The following EPHA2 variants were observed in gnomAD, a reference collection of about 807,000 sequenced individuals.
The protein encoded by EPHA2 is ephrin type-A receptor 2.
Under a neutral mutation model 104.9 loss-of-function variants are expected in EPHA2, and 54 were observed. The ratio of observed to expected loss-of-function variants is 0.51; its 90% CI spans 0.41 to 0.65. The LOEUF is 0.65. Among genes scored for constraint, EPHA2 ranks in the 30% least tolerant of loss-of-function variants. The pLI, the probability that EPHA2 is intolerant of heterozygous loss-of-function variation, is 0.00. For synonymous variants in EPHA2, 560 were observed against 559.1 expected (o/e 1.00, Z -0.02); for missense variants, 1,117 against 1,369.5 (o/e 0.82, Z 2.91).
intron 1 of EPHA2, among the ~76,000 whole-genome samples, chr1:16,151,336 A>C (rs1435590420): frequency 6.6e-6 from 1 of 152,130 alleles, no homozygotes; most frequent in African/African-American, 2.4e-5. Flanking sequence ...GTATTAAGTG[A>C]CACCACACCG....
rs959141703 is a variant in EPHA2, at chr1:16,138,063, G to T, written c.1102C>A (p.Gln368Lys). 6.2e-7 allele frequency: 1 copy of T among 1,612,722 alleles called. No homozygotes were observed. Among genetic ancestry groups the T allele is most frequent in the Admixed American group, 1.7e-5 (1 of 59,998 alleles). The change falls in exon 5 of 17, where the codon CAG becomes AAG. Residue 368 changes from glutamine to lysine, a missense_variant. Coordinates refer to ENST00000358432, the MANE Select transcript of EPHA2 (RefSeq NM_004431.5). ...EDIVYSVTCE[Q>K]CWPESGECGP... is the part of the protein sequence containing the mutation. The stretch of plus-strand genomic sequence containing the variant: ...CATTCCCCAGACTCGGGCCAGCACT[G>T]TTCGCAGGTGACGCTGTAGACAATG...
In EPHA2 at chr1:16,133,906, G is replaced by C; in HGVS notation, c.1692C>G (p.Asn564Lys). 1 of 1,550,814 alleles carries C rather than the reference G, an allele frequency of 6.4e-7. No homozygotes were observed. The highest frequency in any genetic ancestry group is 1.4e-5 in the African/African-American group (1 of 73,152). The change falls in exon 9 of 17, where the codon AAC (asparagine) becomes AAG (lysine). Residue 564 changes from asparagine to lysine, a missense_variant. Physicochemically the swap from Asn to Lys is moderately conservative, Grantham distance 94. This residue lies in a region of EPHA2 where 113 missense variants were observed against 104.3 expected (regional missense o/e 1.08). Transcript: ENST00000358432. ...CCTCCGGGGACTGGCGGGCACGCTG[G>C]TTCTTCCTCCTGAAAGAGCCCCACG... ...VGFFIHRRRK[N>K]QRARQSPEDV...
chr1:16,155,912 G>T lies in EPHA2; in HGVS notation c.21C>A (p.Arg7=), dbSNP rs1443201679. The T allele has an allele frequency of 1.0e-5, 15 of 1,488,882 alleles. No individual in the cohort carries two copies. The highest frequency in any genetic ancestry group is 1.3e-5 in the Non-Finnish European group (15 of 1,127,050). 92.2% of individuals were successfully genotyped at this position (1,488,882 alleles called of 1,614,324 possible). MELQAA[R]ACFALLWGCA... is the part of the protein sequence containing the mutation. ...AGCCCCACAGCAGGGCGAAGCAGGC[G>T]CGGGCTGCCTGGAGCTCCATGCCGC... Residue 7 remains arginine (R), a synonymous_variant, in exon 1 of 17, where the codon CGC becomes CGA. Transcript: ENST00000358432.
chr1:16,147,772 C>T lies in EPHA2; in HGVS notation c.823+606G>A, dbSNP rs115997775. The stretch of plus-strand genomic sequence containing the variant: ...GAGAGGTCAAGGAAATGGCCTAAAG[C>T]CACACAGCTAAAAATGTAGACCTGG... On this transcript the variant is annotated intron_variant, in intron 3 of 16. Transcript: ENST00000358432. 7.0e-3 allele frequency among the ~76,000 whole-genome samples: 1,062 copies of T among 151,704 alleles called. 12 individuals carry two copies. Among genetic ancestry groups the T allele is most frequent in the African/African-American group, 0.025 (1,021 of 41,272 alleles).
rs770944034 is a variant in EPHA2, at chr1:16,129,416, G to T, written c.2825+18C>A. 1 of 1,611,170 alleles carries T rather than the reference G, an allele frequency of 6.2e-7. No homozygotes were observed. ...GGGAGGCGGGAGGCGAGGGGGGACG[G>T]AAAGGGGCCTGACTTACTCGTTGGT... On this transcript the variant is annotated intron_variant, in intron 16 of 16. Coordinates refer to ENST00000358432, the MANE Select transcript of EPHA2 (RefSeq NM_004431.5).
Position 16,135,509 on chromosome 1 carries a change from C to T in EPHA2, c.1428+146G>A. 1.2e-6 allele frequency: 1 copy of T among 818,572 alleles called. No homozygotes were observed. Among genetic ancestry groups the T allele is most frequent in the Admixed American group, 2.0e-5 (1 of 50,860 alleles). The allele number at this position is 818,572 out of a possible 1,614,324, so 50.7% of individuals were successfully genotyped here. ...TGCTGTGCTGCCTTGGGAGATGTAA[C>T]CCCCTGGCAGACCCCAGGCCTCAGT... is the stretch of plus-strand genomic sequence containing the variant. On this transcript the variant is annotated intron_variant, in intron 6 of 16. Transcript: ENST00000358432. The surrounding 1 kb of genome is among the most constrained non-coding windows in gnomAD (Gnocchi z 4.3).
At chr1:16,133,997 G>C in intron 8 of EPHA2, 82 bp from the exon 9 acceptor site, 2 of 1,415,808 alleles carry the variant, frequency 1.4e-6, no homozygotes, top group Non-Finnish European at 1.9e-6. Flanking sequence ...GCCCTACTTT[G>C]GTCCTAGGAG....
At position 16,134,737 on chromosome 1, in the gene EPHA2, G is replaced by A. The variant is rs1469715867; in HGVS notation, c.1583-170C>T. ...TAGACGGTCAAGCGGAGGCCTTCCC[G>A]AAGGTCTCACGGGAGGTATTGCAGG... On this transcript the variant is annotated intron_variant, in intron 7 of 16. Transcript: ENST00000358432. This position sits in a 1 kb window ranked among gnomAD's most constrained non-coding sequence, Gnocchi z 4.5. Among the ~76,000 whole-genome samples, 3 of 152,162 alleles carry A rather than the reference G, an allele frequency of 2.0e-5. No homozygotes were observed. Among genetic ancestry groups the A allele is most frequent in the South Asian group, 2.1e-4 (1 of 4,818 alleles).
chr1:16,140,242 C>G (rs552877174), intron 3 of EPHA2, among the ~76,000 whole-genome samples: 1 of 152,216 alleles, frequency 6.6e-6, no homozygotes, highest in Admixed American at 6.5e-5. Context: ...GCTCTCACCC[C>G]CTTGGTCCAT....
In EPHA2 at chr1:16,132,374, T is replaced by C. The variant is rs2024587986; in HGVS notation, c.2115+4A>G. ...TCCCCGCCCCCTACAACCCACATCC[T>C]TACCCGAAGGAACTTGTCCAGGGCC... is the stretch of plus-strand genomic sequence containing the variant. On this transcript the variant is annotated splice_donor_region_variant and intron_variant, in intron 12 of 16. Transcript: ENST00000358432. The C allele has an allele frequency of 6.2e-7, 1 of 1,614,130 alleles. No individual in the cohort carries two copies. The highest frequency in any genetic ancestry group is 8.5e-7 in the Non-Finnish European group (1 of 1,180,024).
Position 16,131,664 on chromosome 1 carries a change from T to C in EPHA2, c.2475+57A>G. 3.1e-6 allele frequency: 5 copies of C among 1,608,766 alleles called. No homozygotes were observed. Among genetic ancestry groups the C allele is most frequent in the Non-Finnish European group, 3.4e-6 (4 of 1,176,560 alleles). On this transcript the variant is annotated intron_variant, in intron 14 of 16. Transcript: ENST00000358432. The surrounding 1 kb of genome is among the most constrained non-coding windows in gnomAD (Gnocchi z 5.2). ...TCTGCCCAGCCCCTGCAGTTTGAGA[T>C]GAGTAAAGGGCTTGAGTTCAGGTCC...
At chr1:16,137,813 G>A in intron 5 of EPHA2, 40 bp downstream of exon 5, 1 of 1,610,424 alleles carries the variant, frequency 6.2e-7, no homozygotes, top group South Asian at 1.1e-5. Context: ...CCCCACCTGG[G>A]CAGGCCCCAT....
chr1:16,149,006 G>A lies in EPHA2; in HGVS notation c.195C>T (p.Tyr65=), dbSNP rs376634485. 4 of 1,613,888 alleles carry A rather than the reference G, an allele frequency of 2.5e-6. No homozygotes were observed. The African/African-American group carries it at 5.3e-5, about 22-fold the overall frequency. ...MQNIMNDMPI[Y]MYSVCNVMSG... is the part of the protein sequence containing the mutation. ...ACATCACGTTGCACACGGAGTACAT[G>A]TAGATCGGCATGTCATTCATGATGT... Residue 65 remains tyrosine (Y), a synonymous_variant, in exon 3 of 17, where the codon TAC becomes TAT. Transcript: ENST00000358432.
At chr1:16,144,004 T>C (rs1242176936) in intron 3 of EPHA2, among the ~76,000 whole-genome samples, 2 of 152,084 alleles carry the variant, frequency 1.3e-5, no homozygotes, top group East Asian at 1.9e-4. Flanking sequence ...TGCAGGCACA[T>C]TCCTCCACCA....
Position 16,132,447 on chromosome 1 carries a change from G to C in EPHA2, c.2054-8C>G. On this transcript the variant is annotated splice_region_variant and splice_polypyrimidine_tract_variant and intron_variant, in intron 11 of 16. Transcript: ENST00000358432. The stretch of plus-strand genomic sequence containing the variant: ...TGATCATCATGGGCTTGTCTGTAGG[G>C]GGGTGGGCACAGGTGAGAGGTAAGT... 6.2e-7 allele frequency: 1 copy of C among 1,613,746 alleles called. No individual in the cohort carries two copies. The highest frequency in any genetic ancestry group is 8.5e-7 in the Non-Finnish European group (1 of 1,180,008).
At chr1:16,129,330 G>A in intron 16 of EPHA2, 104 bp downstream of exon 16, 2 of 1,367,538 alleles carry the variant, frequency 1.5e-6, no homozygotes, top group South Asian at 1.2e-5. Flanking sequence ...AAAGAACAAA[G>A]AGAGGAGCAT....
At chr1:16,146,627 G>A (rs759478902) in intron 3 of EPHA2, among the ~76,000 whole-genome samples, 1 of 152,254 alleles carries the variant, frequency 6.6e-6, no homozygotes, top group Non-Finnish European at 1.5e-5. Context: ...TCAGCAGAGG[G>A]GAGCTGGGAA....
rs1035338682 is a variant in EPHA2 at position 16,129,366 on chromosome 1, G to C, written c.2825+68C>G. ...TGAGGGGCAGGGAAGAGGGCTGGGG[G>C]GGGCATGGAGGCAGCCTCTGGAGTG... On this transcript the variant is annotated intron_variant, in intron 16 of 16. Transcript: ENST00000358432. The C allele has an allele frequency of 6.4e-6, 10 of 1,564,976 alleles. No homozygotes were observed. The South Asian group carries it at 1.0e-4, about 16-fold the overall frequency.
rs2024440767 is a variant in EPHA2 at position 16,125,186 on chromosome 1, G to A, written c.*29C>T. ...CACTCTGTTTCTTCAAGTATTCTTG[G>A]CCGATGGGGCTCCAGGCCCTGTCGA... is the stretch of plus-strand genomic sequence containing the variant. On this transcript the variant is annotated 3_prime_UTR_variant, in exon 17 of 17. Coordinates refer to ENST00000358432, the MANE Select transcript of EPHA2 (RefSeq NM_004431.5). This position sits in a 1 kb window ranked among gnomAD's most constrained non-coding sequence, Gnocchi z 4.9. 1 of 1,601,330 alleles carries A rather than the reference G, an allele frequency of 6.2e-7. No individual in the cohort carries two copies. Among genetic ancestry groups the A allele is most frequent in the Non-Finnish European group, 8.5e-7 (1 of 1,170,150 alleles).
Sources: allele counts gnomAD v4.1 joint callset (sites outside exome capture counted in the v4.1 genomes callset), GRCh38; gene constraint gnomAD v4.1.1; regional missense constraint gnomAD v4.1.1; non-coding constraint Gnocchi (gnomAD v3.1); transcripts MANE v1.5; gene names NCBI Gene and HGNC (gene_info 2026-07-23, HGNC 2026-07-21).